The following SLC9D1 variants were observed in gnomAD, a reference collection of about 807,000 sequenced individuals.
The protein encoded by SLC9D1 is putative LAG1-interacting protein.
chr13:113,515,329 T>C, the SLC9D1 span, among the ~76,000 whole-genome samples: 3 of 152,190 alleles, frequency 2.0e-5, no homozygotes, highest in East Asian at 1.9e-4. Context: ...AGATAGAAGA[T>C]GTGGAATGCA....
the SLC9D1 span, among the ~76,000 whole-genome samples, chr13:113,511,333 A>G: frequency 6.6e-6 from 1 of 152,218 alleles, no homozygotes; most frequent in South Asian, 2.1e-4. Flanking sequence ...GAGAAAACCA[A>G]AGAGGTATGT....
At chr13:113,503,908 G>A in the SLC9D1 span, 6 of 255,512 alleles carry the variant, frequency 2.3e-5, no homozygotes, top group East Asian at 4.4e-4. Context: ...ATGTCATAGA[G>A]CTTGCATATT....
At chr13:113,503,663 A>G in the SLC9D1 span, 330 of 858,466 alleles carry the variant, frequency 3.8e-4, 1 homozygote, top group African/African-American at 4.6e-3. Flanking sequence ...CACTTTTAAC[A>G]CTTGTTGATG....
the SLC9D1 span, among the ~76,000 whole-genome samples, chr13:113,525,939 C>T: frequency 6.6e-6 from 1 of 151,898 alleles, no homozygotes; most frequent in Non-Finnish European, 1.5e-5. Context: ...AGCTCTGTGC[C>T]GGTTATTCTA....
the SLC9D1 span, chr13:113,545,996 G>A: frequency 5.2e-4 from 79 of 152,328 alleles, no homozygotes; most frequent in Non-Finnish European, 9.8e-4. Flanking sequence ...CTTTCCACCG[G>A]GCAGCAGCGG....
chr13:113,521,334 A>G, the SLC9D1 span, among the ~76,000 whole-genome samples: 8 of 144,174 alleles, frequency 5.5e-5, no homozygotes, highest in Non-Finnish European at 1.2e-4. Flanking sequence ...GTCTGCATGC[A>G]TGTGCGTCTG....
At chr13:113,517,479 T>G in the SLC9D1 span, among the ~76,000 whole-genome samples, 9 of 152,098 alleles carry the variant, frequency 5.9e-5, no homozygotes, top group Non-Finnish European at 7.4e-5. Context: ...CCGCCCGCCT[T>G]GGCCTCCCAA....
At chr13:113,521,306 A>G in the SLC9D1 span, among the ~76,000 whole-genome samples, 7 of 150,184 alleles carry the variant, frequency 4.7e-5, no homozygotes, top group African/African-American at 1.5e-4. Context: ...TGTGGGGTAT[A>G]TCTGTGTGTT....
At chr13:113,547,339 C>T in the SLC9D1 span, 4 of 1,614,038 alleles carry the variant, frequency 2.5e-6, no homozygotes, top group Admixed American at 1.7e-5. Context: ...TACGAGCTCA[C>T]GGTGCTGGTG....
the SLC9D1 span, among the ~76,000 whole-genome samples, chr13:113,491,965 T>C: frequency 6.6e-6 from 1 of 152,238 alleles, no homozygotes; most frequent in Non-Finnish European, 1.5e-5. Flanking sequence ...TTGTGAAATA[T>C]TTGTAGTTTT....
the SLC9D1 span, among the ~76,000 whole-genome samples, chr13:113,546,795 T>C: frequency 6.8e-6 from 1 of 146,892 alleles, no homozygotes; most frequent in Non-Finnish European, 1.5e-5. This position sits in a 1 kb window ranked among gnomAD's most constrained non-coding sequence, Gnocchi z 7.1. Flanking sequence ...AGCAGCCCAG[T>C]CCGAGAGTCC....
chr13:113,496,634 A>G, the SLC9D1 span, among the ~76,000 whole-genome samples: 1 of 152,244 alleles, frequency 6.6e-6, no homozygotes, highest in Non-Finnish European at 1.5e-5. Flanking sequence ...GCATCATGCC[A>G]AGCCCTTTAA....
At chr13:113,492,516 CT>C in the SLC9D1 span, among the ~76,000 whole-genome samples, 1 of 152,236 alleles carries the variant, frequency 6.6e-6, no homozygotes, top group Non-Finnish European at 1.5e-5. Flanking sequence ...GAGTGTGAAT[CT>C]ACACCTGTGT....
At chr13:113,503,617 G>A in the SLC9D1 span, 9 of 1,445,502 alleles carry the variant, frequency 6.2e-6, no homozygotes, top group South Asian at 2.3e-5. Context: ...TGTTACTGCA[G>A]CTAAGGAGCT....
chr13:113,498,418 A>G, the SLC9D1 span: 1 of 1,583,660 alleles, frequency 6.3e-7, no homozygotes, highest in African/African-American at 1.4e-5. Flanking sequence ...CAACATCAAA[A>G]CCAAAGTTTA....
At chr13:113,503,542 C>T in the SLC9D1 span, 4 of 1,613,766 alleles carry the variant, frequency 2.5e-6, no homozygotes, top group Admixed American at 3.3e-5. Context: ...GTGTTTTTTA[C>T]TCTTTTTCTT....
At chr13:113,495,802 CA>C in the SLC9D1 span, 1 of 1,614,142 alleles carries the variant, frequency 6.2e-7, no homozygotes, top group Non-Finnish European at 8.5e-7. Flanking sequence ...CTGAAAACTG[CA>C]ATTGGAGCAG....
At chr13:113,533,104 C>T in the SLC9D1 span, among the ~76,000 whole-genome samples, 16 of 100,954 alleles carry the variant, frequency 1.6e-4, no homozygotes, top group Non-Finnish European at 3.0e-4. Context: ...GACGCTGCCT[C>T]CCTCCTACTG....
At chr13:113,523,374 A>G in the SLC9D1 span, among the ~76,000 whole-genome samples, 3 of 152,168 alleles carry the variant, frequency 2.0e-5, no homozygotes, top group African/African-American at 7.2e-5. Flanking sequence ...CATATTGTTG[A>G]GTTGTGGTAG....
Sources: gnomAD v4.1 joint callset for allele counts (sites outside exome capture counted in the v4.1 genomes callset) on GRCh38, gnomAD v4.1.1 for gene constraint, Gnocchi (gnomAD v3.1) non-coding constraint, MANE v1.5 for transcripts, NCBI Gene and HGNC (gene_info 2026-07-23, HGNC 2026-07-21) for gene names.